Variants in ST8SIA5 observed in about 807,000 individuals in gnomAD.
ST8SIA5 encodes ST8 alpha-N-acetyl-neuraminide alpha-2,8-sialyltransferase 5.
ST8SIA5 carries 24 observed loss-of-function variants against 40.2 expected under a neutral mutation model. The observed-to-expected ratio is 0.60, with a 90% confidence interval of 0.43 to 0.84. ST8SIA5 has a LOEUF of 0.84. Ranked by LOEUF, ST8SIA5 falls within the 40% of genes least tolerant of loss-of-function variation. ST8SIA5 has a pLI of 0.00. For missense variants in ST8SIA5, 465 were observed against 498.5 expected (o/e 0.93, Z 0.64); for synonymous variants, 198 against 201.8 (o/e 0.98, Z 0.16).
At chr18:46,725,836 C>G (rs2039912374) in intron 1 of ST8SIA5, among the ~76,000 whole-genome samples, 2 of 150,484 alleles carry the variant, frequency 1.3e-5, no homozygotes, top group Non-Finnish European at 3.0e-5. Context: ...AAAAACATTT[C>G]ATGGCTGGGC....
At chr18:46,695,437 TGA>T (rs2039548863) in intron 2 of ST8SIA5, among the ~76,000 whole-genome samples, 1 of 152,224 alleles carries the variant, frequency 6.6e-6, no homozygotes, top group Admixed American at 6.5e-5. Flanking sequence ...TTAACCTCTC[TGA>T]GTCTCAGTTT....
chr18:46,710,567 G>T (rs1275153803), intron 1 of ST8SIA5, among the ~76,000 whole-genome samples: 5 of 122,412 alleles, frequency 4.1e-5, no homozygotes, highest in East Asian at 2.5e-4. Flanking sequence ...TTTTGATGGA[G>T]TCTCGCTCTG....
At chr18:46,739,117 G>A (rs774716909) in intron 1 of ST8SIA5, among the ~76,000 whole-genome samples, 7 of 152,208 alleles carry the variant, frequency 4.6e-5, no homozygotes, top group Non-Finnish European at 8.8e-5. Flanking sequence ...ATTCAGAGGA[G>A]AGAAAGAACA....
intron 5 of ST8SIA5, among the ~76,000 whole-genome samples, chr18:46,684,138 CA>C (rs1284445691): frequency 1.3e-5 from 2 of 152,182 alleles, no homozygotes; most frequent in Non-Finnish European, 2.9e-5. Flanking sequence ...GTAGCACAAA[CA>C]ACTGTGTGCT....
At chr18:46,713,955 G>C (rs2039759663) in intron 1 of ST8SIA5, among the ~76,000 whole-genome samples, 1 of 152,210 alleles carries the variant, frequency 6.6e-6, no homozygotes, top group Non-Finnish European at 1.5e-5. Flanking sequence ...CAAGTGGAGA[G>C]GATGGGATGT....
intron 1 of ST8SIA5, among the ~76,000 whole-genome samples, chr18:46,732,799 C>T (rs996285593): frequency 7.2e-5 from 11 of 151,802 alleles, no homozygotes; most frequent in African/African-American, 2.4e-4. Context: ...GTTGTGGGGG[C>T]GAAAGGCTTC....
In ST8SIA5 at chr18:46,675,444, A is replaced by G. The variant is rs1293461731; in HGVS notation, c.*4598T>C. On this transcript the variant is annotated 3_prime_UTR_variant, in exon 7 of 7. Coordinates refer to ENST00000315087, the MANE Select transcript of ST8SIA5 (RefSeq NM_013305.6). ...CTGAGTTCAGATTGTTCTTTTAACT[A>G]TACCAGTTGAGGACATGTTGAGGTC... 2 of 152,172 alleles carry G rather than the reference A, an allele frequency of 1.3e-5. No individual in the cohort carries two copies. The highest frequency in any genetic ancestry group is 4.8e-5 in the African/African-American group (2 of 41,430). The allele number at this position is 152,172 out of a possible 1,614,324, so 9.4% of individuals were successfully genotyped here. A position where few individuals can be genotyped will look rare whatever the true frequency, so the allele number is the denominator to read the frequency against.
intron 2 of ST8SIA5, among the ~76,000 whole-genome samples, chr18:46,698,507 A>G (rs1404441423): frequency 4.6e-5 from 7 of 152,230 alleles, no homozygotes; most frequent in Non-Finnish European, 1.0e-4. Context: ...AACCCAACAC[A>G]CCAACAATCA....
chr18:46,728,861 C>T (rs576758779), intron 1 of ST8SIA5, among the ~76,000 whole-genome samples: 139 of 152,290 alleles, frequency 9.1e-4, no homozygotes, highest in Non-Finnish European at 1.5e-3. Context: ...GGCCTGAACA[C>T]TGCCATCAGA....
rs990040516 is a variant in ST8SIA5 at position 46,674,337 on chromosome 18, C to G, written c.*5705G>C. On this transcript the variant is annotated 3_prime_UTR_variant, in exon 7 of 7. Coordinates refer to ENST00000315087, the MANE Select transcript of ST8SIA5 (RefSeq NM_013305.6). Reference sequence around the variant, plus strand: ...TGAGGGAAAACAAAAAGAGGCTAGCCAAGCCCATAAGCCCCCACTAGACAG... The same window carrying G: ...TGAGGGAAAACAAAAAGAGGCTAGCGAAGCCCATAAGCCCCCACTAGACAG... 3 of 152,190 alleles carry G rather than the reference C, an allele frequency of 2.0e-5. No homozygotes were observed. The highest frequency in any genetic ancestry group is 7.2e-5 in the African/African-American group (3 of 41,434). The allele number at this position is 152,190 out of a possible 1,614,324, so 9.4% of individuals were successfully genotyped here.
chr18:46,753,922 G>A (rs910730892), intron 1 of ST8SIA5, among the ~76,000 whole-genome samples: 2 of 152,070 alleles, frequency 1.3e-5, no homozygotes, highest in South Asian at 2.1e-4. Flanking sequence ...GATCTCACCC[G>A]AAGACAGTCA....
chr18:46,685,897 T>A, intron 5 of ST8SIA5: 1 of 429,694 alleles, frequency 2.3e-6, no homozygotes, highest in Non-Finnish European at 4.3e-6. Context: ...CCGACACAGC[T>A]GCAAGCTCCT....
At chr18:46,746,283 G>T (rs1228220351) in intron 1 of ST8SIA5, among the ~76,000 whole-genome samples, 1 of 152,162 alleles carries the variant, frequency 6.6e-6, no homozygotes, top group Non-Finnish European at 1.5e-5. Flanking sequence ...AATTGTCCCG[G>T]TTTGCAGATG....
At chr18:46,751,509 G>A (rs2040195303) in intron 1 of ST8SIA5, among the ~76,000 whole-genome samples, 1 of 152,024 alleles carries the variant, frequency 6.6e-6, no homozygotes, top group African/African-American at 2.4e-5. Flanking sequence ...CAATTCTTGT[G>A]CCTCAGCCTC....
intron 1 of ST8SIA5, among the ~76,000 whole-genome samples, chr18:46,725,982 T>TATATATATATATATATATATATCCTGG (rs1568271290): frequency 3.2e-4 from 15 of 46,466 alleles, no homozygotes; most frequent in African/African-American, 1.3e-3. Context: ...AATATATATA[T>TATATATATATATATATATATATCCTGG]ATATATATAT....
At position 46,680,416 on chromosome 18, in the gene ST8SIA5, G is replaced by C. The variant is rs139913920; in HGVS notation, c.757C>G (p.Arg253Gly). The C allele has an allele frequency of 5.6e-6, 9 of 1,613,202 alleles. No homozygotes were observed. Among genetic ancestry groups the C allele is most frequent in the Non-Finnish European group, 7.6e-6 (9 of 1,179,648 alleles). ...SVLLPAFYNT[R>G]NTDVSIRVKY... Reference sequence around the variant, plus strand: ...ACGCGGATGGACACGTCGGTGTTGCGCGTGTTGTAGAAGGCAGGCAGCAGC... The same window carrying C: ...ACGCGGATGGACACGTCGGTGTTGCCCGTGTTGTAGAAGGCAGGCAGCAGC... The change falls in exon 7 of 7, where the codon CGC (arginine) becomes GGC (glycine). Residue 253 changes from arginine (R) to glycine (G), a missense_variant. Arg to Gly is a moderately radical substitution (Grantham distance 125). Coordinates refer to ENST00000315087, the MANE Select transcript of ST8SIA5 (RefSeq NM_013305.6).
chr18:46,686,729 G>T (rs1248401895), intron 4 of ST8SIA5, among the ~76,000 whole-genome samples: 1 of 151,054 alleles, frequency 6.6e-6, no homozygotes, highest in Non-Finnish European at 1.5e-5. Context: ...GGATGGACAG[G>T]CCCAGTGAGC....
intron 1 of ST8SIA5, among the ~76,000 whole-genome samples, chr18:46,750,296 C>A (rs2040184116): frequency 6.6e-6 from 1 of 152,020 alleles, no homozygotes; most frequent in Non-Finnish European, 1.5e-5. Flanking sequence ...TTTCCCTGTC[C>A]CTCTGTTAAA....
At chr18:46,733,901 G>A (rs1392312918) in intron 1 of ST8SIA5, among the ~76,000 whole-genome samples, 2 of 152,096 alleles carry the variant, frequency 1.3e-5, no homozygotes, top group South Asian at 2.1e-4. Flanking sequence ...GTGAGAGGAA[G>A]GTGAGTCCAA....
Sources: allele counts gnomAD v4.1 joint callset (sites outside exome capture counted in the v4.1 genomes callset), GRCh38; gene constraint gnomAD v4.1.1; transcripts MANE v1.5; gene names NCBI Gene and HGNC (gene_info 2026-07-23, HGNC 2026-07-21).